Variants in MALT1 observed in about 807,000 individuals in gnomAD.
MALT1 encodes mucosa-associated lymphoid tissue lymphoma translocation protein 1.
Under a neutral mutation model 85.5 loss-of-function variants are expected in MALT1, and 36 were observed. The observed-to-expected ratio is 0.42, with a 90% confidence interval of 0.32 to 0.56. MALT1 has a LOEUF of 0.56. Ranked by LOEUF, MALT1 falls within the 20% of genes least tolerant of loss-of-function variation. The pLI is 0.10. For missense variants in MALT1, 716 were observed against 981.6 expected, an observed-to-expected ratio of 0.73 and a Z score of 3.62; for synonymous variants, 359 against 361.3, an observed-to-expected ratio of 0.99 and a Z score of 0.07.
At position 58,715,889 on chromosome 18, in the gene MALT1, A is replaced by C. The variant is rs371655747; in HGVS notation, c.986-46A>C. On this transcript the variant is annotated intron_variant, in intron 8 of 16. Coordinates refer to ENST00000649217, the MANE Select transcript of MALT1 (RefSeq NM_006785.4). ...CTTTTCATGTATCTTTAACTCTGGA[A>C]ATATACCATGGATCTTACATGTTTT... The C allele has an allele frequency of 2.6e-5, 35 of 1,327,396 alleles. No individual in the cohort carries two copies. In the African/African-American group the frequency reaches 4.1e-4, roughly 15 times the overall value. 82.2% of individuals were successfully genotyped at this position (1,327,396 alleles called of 1,614,324 possible). A position where few individuals can be genotyped will look rare whatever the true frequency, so the allele number is the denominator to read the frequency against.
Position 58,747,794 on chromosome 18 carries a change from T to C in MALT1, c.2427T>C (p.Asp809=). Reference sequence around the variant, plus strand: ...GTAATGTGCCAGTAGAGACAACTGATGAAATACCATTTAGTTTCTCTGACA... The same window carrying C: ...GTAATGTGCCAGTAGAGACAACTGACGAAATACCATTTAGTTTCTCTGACA... ...SRSNVPVETT[D]EIPFSFSDRL... Residue 809 remains aspartate, a synonymous_variant, in exon 17 of 17, where the codon GAT becomes GAC. Coordinates refer to ENST00000649217, the MANE Select transcript of MALT1 (RefSeq NM_006785.4). 6.2e-7 allele frequency: 1 copy of C among 1,614,146 alleles called. No individual in the cohort carries two copies. Among genetic ancestry groups the C allele is most frequent in the Non-Finnish European group, 8.5e-7 (1 of 1,179,996 alleles).
intron 10 of MALT1, among the ~76,000 whole-genome samples, chr18:58,725,515 G>A (rs2055042775): frequency 6.6e-6 from 1 of 152,112 alleles, no homozygotes; most frequent in Non-Finnish European, 1.5e-5. Context: ...CAGGGGTGTT[G>A]TTTGTTTTTA....
intron 3 of MALT1, among the ~76,000 whole-genome samples, chr18:58,697,545 T>A (rs1484579895): frequency 6.6e-6 from 1 of 152,202 alleles, no homozygotes; most frequent in African/African-American, 2.4e-5. Flanking sequence ...CTTGAAAGAT[T>A]GCACCTAAAG....
chr18:58,708,047 C>G (rs1180998018), intron 4 of MALT1, among the ~76,000 whole-genome samples: 1 of 152,146 alleles, frequency 6.6e-6, no homozygotes. Context: ...CTCAGGGGGT[C>G]TGAGACCCCC....
chr18:58,724,007 A>G (rs1224479280), intron 10 of MALT1, among the ~76,000 whole-genome samples: 1 of 152,164 alleles, frequency 6.6e-6, no homozygotes, highest in African/African-American at 2.4e-5. Flanking sequence ...CTTCCATGAC[A>G]TTGTGCAATA....
At chr18:58,710,984 C>T (rs2054823834) in intron 7 of MALT1, 31 bp downstream of exon 7, 1 of 1,511,176 alleles carries the variant, frequency 6.6e-7, no homozygotes, top group African/African-American at 1.4e-5. Context: ...GAAACCAAAT[C>T]TCCTGCATGC....
chr18:58,735,477 T>A (rs1403800449), intron 13 of MALT1, 148 bp downstream of exon 13: 2 of 754,500 alleles, frequency 2.7e-6, no homozygotes, highest in South Asian at 4.4e-5. Flanking sequence ...TTTATATTAA[T>A]ATAACGTTCA....
intron 13 of MALT1, among the ~76,000 whole-genome samples, chr18:58,738,056 C>T (rs1210842676): frequency 3.3e-5 from 5 of 152,110 alleles, no homozygotes; most frequent in East Asian, 1.9e-4. Flanking sequence ...AGTAGATGTT[C>T]GATATGAATA....
Position 58,709,479 on chromosome 18 carries a change from G to T in MALT1, c.751G>T (p.Val251Phe). Residue 251 changes from valine (V) to phenylalanine (F), a missense_variant, in exon 5 of 17, where the codon GTT (valine) becomes TTT (phenylalanine). By Grantham distance (50) the Val-to-Phe change is conservative (BLOSUM62 -1). Around this residue, in one of 4 missense-constraint regions of MALT1, gnomAD observed 290 missense variants for 380.5 expected, o/e 0.76. Coordinates refer to ENST00000649217, the MANE Select transcript of MALT1 (RefSeq NM_006785.4). Reference protein sequence around the residue: ...GSTLVLQCVAVGSPIPHYQWF... With the variant: ...GSTLVLQCVAFGSPIPHYQWF... ...CACATTGGTTTTACAGTGTGTTGCT[G>T]TTGGAAGCCCTATTCCTCACTACCA... 1.9e-6 allele frequency: 3 copies of T among 1,613,414 alleles called. No individual in the cohort carries two copies.
At chr18:58,696,224 A>G in intron 2 of MALT1, 142 bp from the exon 3 acceptor site, 1 of 587,676 alleles carries the variant, frequency 1.7e-6, no homozygotes, top group South Asian at 5.3e-5. Flanking sequence ...ATTGATTGAG[A>G]AGGAGATGTG....
chr18:58,671,985 T>A (rs1236335142), intron 1 of MALT1, 133 bp downstream of exon 1: 1 of 530,564 alleles, frequency 1.9e-6, no homozygotes, highest in African/African-American at 2.0e-5. Flanking sequence ...TGGGGAGGAC[T>A]TCGGTCATTG....
chr18:58,692,435 TCA>T lies in MALT1; in HGVS notation c.377-3929_377-3928del, dbSNP rs1490063859. Among the ~76,000 whole-genome samples, 528 of 58,538 alleles carry T rather than the reference TCA, an allele frequency of 9.0e-3. 8 individuals are homozygous for T. The highest frequency in any genetic ancestry group is 0.025 in the Middle Eastern group (3 of 120). The allele number at this position is 58,538 out of a possible 152,430, so 38.4% of individuals were successfully genotyped here. On this transcript the variant is annotated intron_variant, in intron 2 of 16. Coordinates refer to ENST00000649217, the MANE Select transcript of MALT1 (RefSeq NM_006785.4). ...CTCTCTCTCTCTCTCTCTCTCTCTC[TCA>T]CTCTCTCCCTCCCTCCCTCCCTCCC... is the stretch of plus-strand genomic sequence containing the variant.
intron 13 of MALT1, among the ~76,000 whole-genome samples, chr18:58,736,988 C>G (rs547872517): frequency 6.6e-6 from 1 of 152,278 alleles, no homozygotes; most frequent in Admixed American, 6.5e-5. Context: ...ACAAGTCATC[C>G]AATTTTGAAA....
At chr18:58,715,909 T>G (rs745747645) in intron 8 of MALT1, 26 bp from the exon 9 acceptor site, 8 of 1,550,744 alleles carry the variant, frequency 5.2e-6, no homozygotes, top group Non-Finnish European at 7.1e-6. Context: ...GGATCTTACA[T>G]GTTTTGCTTT....
At position 58,752,374 on chromosome 18, in the gene MALT1, T is replaced by G. The variant is rs1372540356; in HGVS notation, c.*4532T>G. On this transcript the variant is annotated 3_prime_UTR_variant, in exon 17 of 17. Coordinates refer to ENST00000649217, the MANE Select transcript of MALT1 (RefSeq NM_006785.4). ...TCCTTGAACATTCACCTGACGCTTA[T>G]ATACTGTCATTACTTTTATCTGTCA... The G allele has an allele frequency of 6.6e-6, 1 of 152,214 alleles. No homozygotes were observed. 9.4% of individuals were successfully genotyped at this position (152,214 alleles called of 1,614,324 possible). A position where few individuals can be genotyped will look rare whatever the true frequency, so the allele number is the denominator to read the frequency against.
chr18:58,677,446 AT>A (rs1365189357), intron 1 of MALT1: 1 of 152,148 alleles, frequency 6.6e-6, no homozygotes, highest in African/African-American at 2.4e-5. Flanking sequence ...CAGCATCCCT[AT>A]TTTTACAAAT....
chr18:58,688,067 C>CT (rs2054432171), intron 2 of MALT1, among the ~76,000 whole-genome samples: 4 of 152,126 alleles, frequency 2.6e-5, no homozygotes, highest in Admixed American at 6.6e-5. Context: ...ATACCATATT[C>CT]TTTTTTTACC....
intron 12 of MALT1, chr18:58,734,668 T>G (rs778374132): frequency 2.0e-5 from 6 of 296,446 alleles, no homozygotes; most frequent in Non-Finnish European, 3.1e-5. Context: ...TCCTTGATAT[T>G]CTGCGTAGAA....
At chr18:58,689,481 G>T (rs748927469) in intron 2 of MALT1, among the ~76,000 whole-genome samples, 4 of 152,192 alleles carry the variant, frequency 2.6e-5, no homozygotes, top group Non-Finnish European at 5.9e-5. Flanking sequence ...CAACAAACAC[G>T]TGTTGAACAC....
Sources: allele counts gnomAD v4.1 joint callset (sites outside exome capture counted in the v4.1 genomes callset), GRCh38; gene constraint gnomAD v4.1.1; regional missense constraint gnomAD v4.1.1; transcripts MANE v1.5; gene names NCBI Gene and HGNC (gene_info 2026-07-23, HGNC 2026-07-21).